The following CNTNAP2 variants were observed in gnomAD, a reference collection of about 807,000 sequenced individuals.
CNTNAP2 encodes contactin associated protein 2, also known as contactin-associated protein-like 2.
In CNTNAP2, 98 loss-of-function variants were observed where a neutral mutation model predicts 155.2. The observed-to-expected ratio is 0.63, with a 90% CI of 0.54 to 0.75. The LOEUF is 0.75. Ranked by LOEUF, CNTNAP2 falls within the 30% of genes least tolerant of loss-of-function variation. The probability of loss-of-function intolerance (pLI) is 0.00; values close to 1 mark genes in which losing one functional copy is unlikely to be tolerated. For missense variants in CNTNAP2, 1,727 were observed against 1,688.1 expected, an observed-to-expected ratio of 1.02 and a Z score of -0.40; for synonymous variants, 651 against 631.2, an observed-to-expected ratio of 1.03 and a Z score of -0.47.
At chr7:147,025,156 C>G (rs922408840) in intron 3 of CNTNAP2, among the ~76,000 whole-genome samples, 1 of 148,518 alleles carries the variant, frequency 6.7e-6, no homozygotes, top group Non-Finnish European at 1.5e-5. Context: ...TGTGGTGGCA[C>G]GCCCCTGTAA....
intron 21 of CNTNAP2, among the ~76,000 whole-genome samples, chr7:148,310,631 T>A (rs1797579386): frequency 6.6e-6 from 1 of 152,088 alleles, no homozygotes; most frequent in Non-Finnish European, 1.5e-5. Flanking sequence ...GCAAATTGAA[T>A]TTTGGGGGTA....
intron 15 of CNTNAP2, among the ~76,000 whole-genome samples, chr7:148,028,407 G>A (rs1353973168): frequency 2.0e-5 from 3 of 152,116 alleles, no homozygotes; most frequent in African/African-American, 7.2e-5. Flanking sequence ...GGAAAAATCA[G>A]TTTAACCCAG....
chr7:147,615,791 A>G (rs1434080213), intron 12 of CNTNAP2, among the ~76,000 whole-genome samples: 1 of 152,086 alleles, frequency 6.6e-6, no homozygotes, highest in East Asian at 1.9e-4. Flanking sequence ...TGGAAAGATC[A>G]TATTACCCAT....
intron 2 of CNTNAP2, among the ~76,000 whole-genome samples, chr7:146,796,646 G>A (rs768871430): frequency 1.2e-4 from 19 of 152,012 alleles, no homozygotes; most frequent in Non-Finnish European, 2.2e-4. Flanking sequence ...TGACTTCCTA[G>A]GTTAGAAACA....
At chr7:147,167,995 T>C (rs1243216466) in intron 8 of CNTNAP2, among the ~76,000 whole-genome samples, 1 of 149,348 alleles carries the variant, frequency 6.7e-6, no homozygotes, top group East Asian at 1.9e-4. Flanking sequence ...TATGTATAAA[T>C]TTACATGCAT....
chr7:147,206,263 T>TAAA (rs36073630), intron 8 of CNTNAP2, among the ~76,000 whole-genome samples: 2,004 of 139,110 alleles, frequency 0.014, 17 homozygotes, highest in Non-Finnish European at 0.022. Flanking sequence ...TAAACCTGTA[T>TAAA]AAAAAAAAAA....
At chr7:147,457,885 G>T (rs17415708) in intron 10 of CNTNAP2, among the ~76,000 whole-genome samples, 2,419 of 152,166 alleles carry the variant, frequency 0.016, 33 homozygotes, top group Non-Finnish European at 0.021. Context: ...AAGTTGACCA[G>T]TTTTTTCAAA....
intron 1 of CNTNAP2, among the ~76,000 whole-genome samples, chr7:146,639,085 G>A (rs1252597671): frequency 1.3e-5 from 2 of 152,204 alleles, no homozygotes; most frequent in Non-Finnish European, 2.9e-5. Flanking sequence ...CATATGTGAA[G>A]CATAGTTGAC....
chr7:147,196,745 A>G (rs1367971908), intron 8 of CNTNAP2, among the ~76,000 whole-genome samples: 1 of 152,214 alleles, frequency 6.6e-6, no homozygotes, highest in African/African-American at 2.4e-5. Flanking sequence ...GCAGTATCAC[A>G]AATTACAGAA....
At chr7:147,791,307 A>G (rs1797814698) in intron 13 of CNTNAP2, among the ~76,000 whole-genome samples, 1 of 151,930 alleles carries the variant, frequency 6.6e-6, no homozygotes, top group Non-Finnish European at 1.5e-5. Flanking sequence ...CCATTGTCCT[A>G]TAATATCTTA....
intron 18 of CNTNAP2, among the ~76,000 whole-genome samples, chr7:148,176,211 CTTTTTTTTTTTT>C (rs1188113801): frequency 1.5e-4 from 14 of 92,802 alleles, no homozygotes; most frequent in Admixed American, 5.7e-4. Flanking sequence ...CTTTCTTTCT[CTTTTTTTTTTTT>C]TTTTTTTTTT....
intron 11 of CNTNAP2, among the ~76,000 whole-genome samples, chr7:147,488,326 G>T (rs1798546002): frequency 6.6e-6 from 1 of 152,158 alleles, no homozygotes; most frequent in Admixed American, 6.5e-5. Context: ...AAACCATCAG[G>T]CCGTGTGCCT....
intron 14 of CNTNAP2, among the ~76,000 whole-genome samples, chr7:147,939,250 G>A (rs894302338): frequency 9.9e-5 from 15 of 152,210 alleles, no homozygotes; most frequent in African/African-American, 3.4e-4. Flanking sequence ...TAACTAAAAA[G>A]CCATACATTT....
chr7:147,181,590 T>A (rs1302180035), intron 8 of CNTNAP2, among the ~76,000 whole-genome samples: 1 of 152,084 alleles, frequency 6.6e-6, no homozygotes, highest in African/African-American at 2.4e-5. Flanking sequence ...AACAGAAAGG[T>A]GAACTGTTTT....
chr7:146,319,319 C>T (rs1307529449), intron 1 of CNTNAP2, among the ~76,000 whole-genome samples: 1 of 152,098 alleles, frequency 6.6e-6, no homozygotes, highest in Non-Finnish European at 1.5e-5. Flanking sequence ...CTTTAAAAAA[C>T]TTGTCATAAT....
chr7:147,001,194 G>C (rs189801007), intron 3 of CNTNAP2, among the ~76,000 whole-genome samples: 2 of 152,102 alleles, frequency 1.3e-5, no homozygotes, highest in Non-Finnish European at 2.9e-5. Context: ...CTATGACAAG[G>C]TACAGTCATC....
chr7:146,474,343 T>C (rs777385697), intron 1 of CNTNAP2, among the ~76,000 whole-genome samples: 16 of 150,098 alleles, frequency 1.1e-4, no homozygotes, highest in Non-Finnish European at 1.9e-4. Flanking sequence ...TTACCACTCA[T>C]CTTGGAACAA....
chr7:146,676,022 T>A (rs1213188596), intron 1 of CNTNAP2, among the ~76,000 whole-genome samples: 1 of 152,174 alleles, frequency 6.6e-6, no homozygotes, highest in Non-Finnish European at 1.5e-5. Flanking sequence ...ACATTTGGAT[T>A]CTTTTGGATA....
chr7:146,582,096 T>C (rs1029672266), intron 1 of CNTNAP2, among the ~76,000 whole-genome samples: 5 of 152,126 alleles, frequency 3.3e-5, no homozygotes, highest in Non-Finnish European at 5.9e-5. Flanking sequence ...TGAAAGTTAA[T>C]GGGTAATCAA....
Sources: gnomAD v4.1 joint callset for allele counts (sites outside exome capture counted in the v4.1 genomes callset) on GRCh38, gnomAD v4.1.1 for gene constraint, MANE v1.5 for transcripts, NCBI Gene and HGNC (gene_info 2026-07-23, HGNC 2026-07-21) for gene names.